Variants in PSMA2 observed in about 807,000 individuals in gnomAD.
PSMA2 encodes proteasome subunit alpha type-2.
A neutral mutation model predicts 35.9 loss-of-function variants in PSMA2; 2 were observed. The observed-to-expected ratio is 0.06, with a 90% CI of 0.02 to 0.18. The LOEUF is 0.18. PSMA2 is among the 10% of genes least tolerant of loss of function. PSMA2 has a pLI of 1.00. For synonymous variants in PSMA2, 97 were observed against 98.2 expected (o/e 0.99, Z 0.07); for missense variants, 126 against 278.8 (o/e 0.45, Z 3.90).
chr7:42,924,636 AC>A lies in PSMA2; in HGVS notation c.374+38del. 2.5e-6 allele frequency: 4 copies of A among 1,586,090 alleles called. No homozygotes were observed. The South Asian group carries it at 4.5e-5, about 18-fold the overall frequency. On this transcript the variant is annotated intron_variant, in intron 4 of 7. Coordinates refer to ENST00000223321, the MANE Select transcript of PSMA2 (RefSeq NM_002787.5). Reference sequence around the variant, plus strand: ...CTACTCTTTAAAATAACTTCCCCCTACAATTCATGGCACATTTCAAGTAAAA... The same window carrying A: ...CTACTCTTTAAAATAACTTCCCCCTAAATTCATGGCACATTTCAAGTAAAA...
At chr7:42,917,966 A>G in intron 6 of PSMA2, 131 bp from the exon 7 acceptor site, 1 of 623,382 alleles carries the variant, frequency 1.6e-6, no homozygotes, top group Non-Finnish European at 2.7e-6. Flanking sequence ...ACATTCTTTT[A>G]ATCACCTCCT....
chr7:42,927,906 CA>C (rs10625370), intron 1 of PSMA2, among the ~76,000 whole-genome samples: 3 of 147,514 alleles, frequency 2.0e-5, no homozygotes, highest in Admixed American at 6.7e-5. Context: ...AACCTCGTCT[CA>C]AAAAAAAAAA....
At chr7:42,918,843 A>G in intron 6 of PSMA2, 1 of 166,300 alleles carries the variant, frequency 6.0e-6, no homozygotes, top group Admixed American at 6.1e-5. Flanking sequence ...TTTTCCCTCA[A>G]GACAGAATCT....
intron 6 of PSMA2, chr7:42,920,072 C>T (rs1786102138): frequency 3.3e-6 from 2 of 607,092 alleles, no homozygotes; most frequent in Non-Finnish European, 6.1e-6. Context: ...TATTCTTCAA[C>T]TCCTCAAGTT....
At chr7:42,929,052 T>G (rs1786255209) in intron 1 of PSMA2, among the ~76,000 whole-genome samples, 1 of 152,012 alleles carries the variant, frequency 6.6e-6, no homozygotes, top group Non-Finnish European at 1.5e-5. Context: ...TCTCAAGCAA[T>G]CCTCCTGCCT....
In PSMA2 at chr7:42,921,568, C is replaced by T. The variant is rs1164254474; in HGVS notation, c.530+290G>A. ...TCCAGATTCAATGTTCTTTTTTTTC[C>T]CTCCTGAAATGGCACAAAAAGTGAA... On this transcript the variant is annotated intron_variant, in intron 6 of 7. Transcript: ENST00000223321. 7 of 239,588 alleles carry T rather than the reference C, an allele frequency of 2.9e-5. No homozygotes were observed. In the East Asian group the frequency reaches 5.6e-4, roughly 19 times the overall value. 14.8% of individuals were successfully genotyped at this position (239,588 alleles called of 1,614,324 possible). A position where few individuals can be genotyped will look rare whatever the true frequency, so the allele number is the denominator to read the frequency against.
At chr7:42,920,495 G>C (rs935622209) in intron 6 of PSMA2, 1 of 152,448 alleles carries the variant, frequency 6.6e-6, no homozygotes, top group African/African-American at 2.4e-5. Context: ...TGGTTGTAAA[G>C]AGGGAATACA....
At chr7:42,921,106 G>A (rs867512849) in intron 6 of PSMA2, 3 of 152,096 alleles carry the variant, frequency 2.0e-5, no homozygotes, top group Non-Finnish European at 4.4e-5. Flanking sequence ...GGAAATTATC[G>A]TTAACAATTT....
At chr7:42,928,171 T>C (rs1442688782) in intron 1 of PSMA2, among the ~76,000 whole-genome samples, 1 of 152,182 alleles carries the variant, frequency 6.6e-6, no homozygotes, top group Non-Finnish European at 1.5e-5. Context: ...CACTTGGTAT[T>C]TGTGGGGGTA....
chr7:42,924,853 CTCAT>C (rs1241709054), intron 3 of PSMA2, 56 bp from the exon 4 acceptor site: 1 of 1,527,576 alleles, frequency 6.5e-7, no homozygotes, highest in African/African-American at 1.4e-5. Context: ...TACCTGAAGA[CTCAT>C]TCTCCTTTTA....
intron 1 of PSMA2, among the ~76,000 whole-genome samples, chr7:42,930,442 G>A (rs942645234): frequency 2.0e-5 from 3 of 151,924 alleles, no homozygotes; most frequent in Non-Finnish European, 4.4e-5. Flanking sequence ...TTCAGAGATA[G>A]GGTCTTGCTG....
chr7:42,922,848 C>T (rs1376370862), intron 5 of PSMA2, among the ~76,000 whole-genome samples: 2 of 152,048 alleles, frequency 1.3e-5, no homozygotes, highest in Non-Finnish European at 1.5e-5. Flanking sequence ...ATTCAGATAC[C>T]ATTCTTCTGC....
In PSMA2 at chr7:42,927,360, A is replaced by G. The variant is rs775239442; in HGVS notation, c.118+23T>C. ...TAGGATAACTACTAACAGGCATCTG[A>G]AATGAATGAAGCATTTCATTACCTT... On this transcript the variant is annotated intron_variant, in intron 2 of 7. Coordinates refer to ENST00000223321, the MANE Select transcript of PSMA2 (RefSeq NM_002787.5). 8.1e-6 allele frequency: 13 copies of G among 1,595,920 alleles called. No homozygotes were observed. In the East Asian group the frequency reaches 2.5e-4, roughly 30 times the overall value.
At chr7:42,917,931 A>G (rs1562699615) in intron 6 of PSMA2, 96 bp from the exon 7 acceptor site, 4 of 820,922 alleles carry the variant, frequency 4.9e-6, no homozygotes, top group Admixed American at 2.9e-5. Flanking sequence ...TTAAAACTCT[A>G]AACATCTTAA....
At chr7:42,932,056 C>G (rs1786323108) in intron 1 of PSMA2, 62 bp downstream of exon 1, 3 of 1,606,104 alleles carry the variant, frequency 1.9e-6, no homozygotes, top group Non-Finnish European at 2.6e-6. Flanking sequence ...ATGGGAAAAA[C>G]TAAATCGACA....
At chr7:42,930,529 G>A (rs1467612106) in intron 1 of PSMA2, among the ~76,000 whole-genome samples, 1 of 151,958 alleles carries the variant, frequency 6.6e-6, no homozygotes, top group Non-Finnish European at 1.5e-5. Flanking sequence ...TGGGATTACA[G>A]GTGTGAGTCA....
intron 6 of PSMA2, chr7:42,921,122 A>G (rs897783391): frequency 1.3e-5 from 2 of 152,208 alleles, no homozygotes; most frequent in African/African-American, 2.4e-5. Context: ...AATTTACTGT[A>G]TATTTCAGAA....
Position 42,932,171 on chromosome 7 carries a change from A to G in PSMA2, c.-13T>C. On this transcript the variant is annotated 5_prime_UTR_variant, in exon 1 of 8. Transcript: ENST00000223321. ...CGCGCTCCGCCATCTTTACCCGAAGAGCCAAAGCACAGCCGCACACATGCG... is the reference window on the plus strand; with the variant it reads ...CGCGCTCCGCCATCTTTACCCGAAGGGCCAAAGCACAGCCGCACACATGCG... 6.2e-7 allele frequency: 1 copy of G among 1,614,128 alleles called. No individual in the cohort carries two copies. The highest frequency in any genetic ancestry group is 8.5e-7 in the Non-Finnish European group (1 of 1,180,038).
intron 4 of PSMA2, 42 bp from the exon 5 acceptor site, chr7:42,923,448 G>C (rs1465511626): frequency 6.8e-7 from 1 of 1,474,260 alleles, no homozygotes; most frequent in African/African-American, 1.4e-5. Flanking sequence ...TTTTCATGGT[G>C]TTAAAGTCAT....
Sources: gnomAD v4.1 joint callset for allele counts (sites outside exome capture counted in the v4.1 genomes callset) on GRCh38, gnomAD v4.1.1 for gene constraint, MANE v1.5 for transcripts, NCBI Gene and HGNC (gene_info 2026-07-23, HGNC 2026-07-21) for gene names.